The following FGF12 variants were observed in gnomAD, a reference collection of about 807,000 sequenced individuals.
FGF12 encodes fibroblast growth factor 12.
FGF12 carries 14 observed loss-of-function variants against 23.6 expected under a neutral mutation model. The observed-to-expected ratio is 0.59, with a 90% CI of 0.39 to 0.93. FGF12 has a LOEUF of 0.93. FGF12 is among the 40% of genes least tolerant of loss of function. The probability of loss-of-function intolerance (pLI) is 0.00; values close to 1 mark genes in which losing one functional copy is unlikely to be tolerated. For synonymous variants in FGF12, 62 were observed against 77.3 expected (o/e 0.80, Z 1.04); for missense variants, 175 against 217.8 (o/e 0.80, Z 1.24).
At chr3:192,347,681 A>G (rs2108717760) in intron 3 of FGF12, among the ~76,000 whole-genome samples, 1 of 152,262 alleles carries the variant, frequency 6.6e-6, no homozygotes, top group South Asian at 2.1e-4. Flanking sequence ...AAAGAAAAGA[A>G]GGTTGGTCTA....
chr3:192,715,929 G>T (rs1261266828), intron 2 of FGF12, among the ~76,000 whole-genome samples: 2 of 152,180 alleles, frequency 1.3e-5, no homozygotes, highest in African/African-American at 4.8e-5. Flanking sequence ...TGGGCTAATT[G>T]TCTATACGTG....
chr3:192,465,793 T>C (rs1009768169), intron 2 of FGF12, among the ~76,000 whole-genome samples: 5 of 152,222 alleles, frequency 3.3e-5, no homozygotes, highest in Non-Finnish European at 5.9e-5. Flanking sequence ...TACATGTTAC[T>C]GCGTTTTTTT....
At chr3:192,413,448 T>A (rs1240539039) in intron 2 of FGF12, among the ~76,000 whole-genome samples, 2 of 152,198 alleles carry the variant, frequency 1.3e-5, no homozygotes, top group African/African-American at 4.8e-5. Flanking sequence ...ATACTAGCAG[T>A]ACCTAACTAG....
At chr3:192,469,082 T>C (rs944314580) in intron 2 of FGF12, among the ~76,000 whole-genome samples, 7 of 152,228 alleles carry the variant, frequency 4.6e-5, no homozygotes, top group East Asian at 1.9e-4. Context: ...CTGTGTTCTT[T>C]TGACAAGTCC....
intron 2 of FGF12, among the ~76,000 whole-genome samples, chr3:192,535,928 A>G (rs1162521887): frequency 6.6e-6 from 1 of 152,234 alleles, no homozygotes. Context: ...GAAGATGCAA[A>G]GAAGGGACAA....
rs1577167882 is a variant in FGF12 at position 192,143,460 on chromosome 3, A to G, written c.*549T>C. ...GGCTATATATTTTATAGGTATTAAC[A>G]TAGTTTATAATTTGGAAATGTTCAA... On this transcript the variant is annotated 3_prime_UTR_variant, in exon 6 of 6. Coordinates refer to ENST00000445105, the MANE Select transcript of FGF12 (RefSeq NM_004113.6). The G allele has an allele frequency of 1.3e-5, 2 of 152,216 alleles. No homozygotes were observed. Among genetic ancestry groups the G allele is most frequent in the South Asian group, 4.1e-4 (2 of 4,834 alleles). The allele number at this position is 152,216 out of a possible 1,614,324, so 9.4% of individuals were successfully genotyped here.
At chr3:192,473,937 A>T (rs1723243357) in intron 2 of FGF12, among the ~76,000 whole-genome samples, 1 of 152,224 alleles carries the variant, frequency 6.6e-6, no homozygotes, top group African/African-American at 2.4e-5. Flanking sequence ...AAAGAAACAT[A>T]GAGCAGAACT....
chr3:192,341,042 A>C (rs1717664801), intron 3 of FGF12, among the ~76,000 whole-genome samples: 1 of 152,200 alleles, frequency 6.6e-6, no homozygotes, highest in South Asian at 2.1e-4. Context: ...ATGGGAGAAA[A>C]TATTTGCAAA....
intron 2 of FGF12, among the ~76,000 whole-genome samples, chr3:192,705,399 G>A (rs566767130): frequency 6.6e-6 from 1 of 152,342 alleles, no homozygotes; most frequent in African/African-American, 2.4e-5. Flanking sequence ...CAGTCAGTCA[G>A]AACACACACA....
At chr3:192,325,049 C>A (rs1365923720) in intron 4 of FGF12, among the ~76,000 whole-genome samples, 1 of 152,114 alleles carries the variant, frequency 6.6e-6, no homozygotes, top group Non-Finnish European at 1.5e-5. Context: ...TACTGTTAAT[C>A]CTTACTGAAA....
At chr3:192,155,876 G>A (rs943449900) in intron 5 of FGF12, among the ~76,000 whole-genome samples, 19 of 152,120 alleles carry the variant, frequency 1.2e-4, no homozygotes. Context: ...GCCAGATTAA[G>A]TTTCTCTCTT....
At chr3:192,177,606 C>T (rs1481821446) in intron 4 of FGF12, among the ~76,000 whole-genome samples, 5 of 152,236 alleles carry the variant, frequency 3.3e-5, no homozygotes, top group African/African-American at 9.6e-5. Context: ...CTCCTTACTG[C>T]TCTGGCTGAG....
chr3:192,218,099 C>T (rs1718287393), intron 4 of FGF12, among the ~76,000 whole-genome samples: 1 of 152,320 alleles, frequency 6.6e-6, no homozygotes, highest in African/African-American at 2.4e-5. Context: ...TCCCAAAATG[C>T]TGGGATTACA....
At chr3:192,256,286 C>G (rs555034601) in intron 4 of FGF12, among the ~76,000 whole-genome samples, 4 of 151,766 alleles carry the variant, frequency 2.6e-5, no homozygotes, top group Non-Finnish European at 5.9e-5. Flanking sequence ...TACATTGTTC[C>G]TTTTAATCTT....
rs190538750 is a variant in FGF12 at position 192,292,354 on chromosome 3, T to G, written c.228+43007A>C. 2.3e-3 allele frequency among the ~76,000 whole-genome samples: 356 copies of G among 152,246 alleles called. 3 individuals carry two copies. The highest frequency in any genetic ancestry group is 8.2e-3 in the African/African-American group (340 of 41,560). ...ACAGTACAAACATAAAATAATATGTTGCAATGAGTCAGCATCCTTTTCTAA... is the reference window on the plus strand; with the variant it reads ...ACAGTACAAACATAAAATAATATGTGGCAATGAGTCAGCATCCTTTTCTAA... On this transcript the variant is annotated intron_variant, in intron 4 of 5. Transcript: ENST00000445105.
intron 2 of FGF12, among the ~76,000 whole-genome samples, chr3:192,415,461 T>C (rs1475304259): frequency 6.6e-6 from 1 of 152,112 alleles, no homozygotes; most frequent in African/African-American, 2.4e-5. Flanking sequence ...CACCCAGATT[T>C]TTGAGCCAAA....
intron 2 of FGF12, among the ~76,000 whole-genome samples, chr3:192,717,582 T>C (rs1329593503): frequency 2.0e-5 from 3 of 151,982 alleles, no homozygotes; most frequent in East Asian, 1.9e-4. Context: ...ACAGTTTTTT[T>C]CCCCATAAAG....
chr3:192,424,506 T>A (rs1483463166), intron 2 of FGF12, among the ~76,000 whole-genome samples: 1 of 152,206 alleles, frequency 6.6e-6, no homozygotes, highest in Admixed American at 6.5e-5. Flanking sequence ...GATAGTCACA[T>A]AACTAATTTC....
chr3:192,468,734 G>A (rs771037130), intron 2 of FGF12, among the ~76,000 whole-genome samples: 21 of 151,774 alleles, frequency 1.4e-4, no homozygotes, highest in Non-Finnish European at 2.8e-4. Context: ...ATATCTTGAG[G>A]AGGAGACTCC....
Sources: gnomAD v4.1 joint callset for allele counts (sites outside exome capture counted in the v4.1 genomes callset) on GRCh38, gnomAD v4.1.1 for gene constraint, MANE v1.5 for transcripts, NCBI Gene and HGNC (gene_info 2026-07-23, HGNC 2026-07-21) for gene names.